The following TENM4 variants were observed in gnomAD, a reference collection of about 807,000 sequenced individuals.
TENM4 encodes the protein teneurin transmembrane protein 4, also known as teneurin-4.
Under a neutral mutation model 243.3 loss-of-function variants are expected in TENM4, and 82 were observed. The observed-to-expected ratio is 0.34, with a 90% confidence interval of 0.28 to 0.40. TENM4 has a LOEUF of 0.40. TENM4 is among the 10% of genes least tolerant of loss of function. TENM4 has a pLI of 1.00. For synonymous variants in TENM4, 1,412 were observed against 1,456.3 expected (o/e 0.97, Z 0.69); for missense variants, 3,138 against 3,673.3 (o/e 0.85, Z 3.77).
At chr11:79,272,936 A>G (rs2135348240) in intron 2 of TENM4, among the ~76,000 whole-genome samples, 1 of 152,258 alleles carries the variant, frequency 6.6e-6, no homozygotes, top group African/African-American at 2.4e-5. Flanking sequence ...AATGTATGCA[A>G]TTTTGCTTGC....
chr11:79,413,458 G>A (rs1858745483), intron 1 of TENM4, among the ~76,000 whole-genome samples: 1 of 152,220 alleles, frequency 6.6e-6, no homozygotes, highest in Non-Finnish European at 1.5e-5. Context: ...GACACAGAGA[G>A]TCCAGCTCCT....
In TENM4 at chr11:78,685,616, C is replaced by A. The variant is rs147436170; in HGVS notation, c.5260+2438G>T. Among the ~76,000 whole-genome samples, 52 of 152,234 alleles carry A rather than the reference C, an allele frequency of 3.4e-4. 1 individual carries two copies. The East Asian group carries it at 0.01, about 29-fold the overall frequency. On this transcript the variant is annotated intron_variant, in intron 29 of 33. Coordinates refer to ENST00000278550, the MANE Select transcript of TENM4 (RefSeq NM_001098816.3). ...TACATTTAAAAACTGAGGAATGTGG[C>A]ACTTTCAAATTTTAAAAAGTTGCCC...
At chr11:78,956,555 T>C (rs951888068) in intron 6 of TENM4, among the ~76,000 whole-genome samples, 2 of 152,234 alleles carry the variant, frequency 1.3e-5, no homozygotes, top group Non-Finnish European at 2.9e-5. Context: ...TGGAGCTTCC[T>C]GGTCAGCAAC....
intron 23 of TENM4, among the ~76,000 whole-genome samples, chr11:78,724,992 C>G (rs2135853040): frequency 6.6e-6 from 1 of 152,288 alleles, no homozygotes; most frequent in South Asian, 2.1e-4. Flanking sequence ...TCCAGACTTG[C>G]AGAGTGAGAA....
intron 6 of TENM4, among the ~76,000 whole-genome samples, chr11:78,965,866 A>T (rs905918704): frequency 6.6e-6 from 1 of 152,246 alleles, no homozygotes; most frequent in Non-Finnish European, 1.5e-5. Context: ...AGTCATTGGC[A>T]ACTTTGAATT....
At chr11:78,925,383 T>C (rs536478043) in intron 6 of TENM4, among the ~76,000 whole-genome samples, 1 of 152,188 alleles carries the variant, frequency 6.6e-6, no homozygotes, top group Non-Finnish European at 1.5e-5. Context: ...AACCTGGACC[T>C]CTTTGAGACT....
chr11:79,348,601 C>T (rs1003108357), intron 1 of TENM4, among the ~76,000 whole-genome samples: 4 of 152,158 alleles, frequency 2.6e-5, no homozygotes, highest in African/African-American at 9.7e-5. Context: ...GAGGGTGAGA[C>T]ACTCATGATG....
At chr11:78,853,488 T>C (rs907583418) in intron 12 of TENM4, among the ~76,000 whole-genome samples, 1 of 152,144 alleles carries the variant, frequency 6.6e-6, no homozygotes, top group African/African-American at 2.4e-5. Flanking sequence ...CCTCTTCCAC[T>C]GCGAGGGAGA....
At chr11:79,427,847 A>G (rs1372170154) in intron 1 of TENM4, among the ~76,000 whole-genome samples, 4 of 152,240 alleles carry the variant, frequency 2.6e-5, no homozygotes, top group Non-Finnish European at 4.4e-5. Context: ...AGAGTATAAC[A>G]TAATACGTGG....
intron 6 of TENM4, among the ~76,000 whole-genome samples, chr11:79,028,953 T>C (rs1182942812): frequency 1.3e-5 from 2 of 152,166 alleles, no homozygotes; most frequent in Middle Eastern, 3.2e-3. Context: ...ACCATTAAGA[T>C]TGAGAACCAG....
chr11:78,728,472 C>G (rs988556403), intron 22 of TENM4, among the ~76,000 whole-genome samples: 1 of 151,926 alleles, frequency 6.6e-6, no homozygotes, highest in East Asian at 1.9e-4. Context: ...TTCTTCCCCC[C>G]TCTTCCTCCC....
At chr11:78,887,090 G>C (rs1161223003) in intron 9 of TENM4, among the ~76,000 whole-genome samples, 1 of 152,116 alleles carries the variant, frequency 6.6e-6, no homozygotes, top group African/African-American at 2.4e-5. Flanking sequence ...TACCCCAGTT[G>C]CCCACCCAAT....
At chr11:79,203,131 A>G (rs561838887) in intron 3 of TENM4, among the ~76,000 whole-genome samples, 1 of 152,334 alleles carries the variant, frequency 6.6e-6, no homozygotes, top group South Asian at 2.1e-4. Flanking sequence ...AATAACAAAT[A>G]TTGATGAAGA....
At chr11:78,886,185 A>T (rs1447899374) in intron 9 of TENM4, among the ~76,000 whole-genome samples, 6 of 152,224 alleles carry the variant, frequency 3.9e-5, no homozygotes, top group African/African-American at 9.7e-5. Context: ...TCATTACAGT[A>T]ATTAATAATT....
chr11:79,431,332 G>A (rs72935098), intron 1 of TENM4, among the ~76,000 whole-genome samples: 11,581 of 152,194 alleles, frequency 0.076, 523 homozygotes, highest in Non-Finnish European at 0.098. Context: ...CCGCTGCTAG[G>A]CTTGGCCACA....
chr11:79,299,484 G>A (rs1031996575), intron 1 of TENM4, among the ~76,000 whole-genome samples: 1 of 152,142 alleles, frequency 6.6e-6, no homozygotes, highest in Non-Finnish European at 1.5e-5. Flanking sequence ...AATCCAGGCA[G>A]GGTCATCCTC....
Position 78,676,196 on chromosome 11 carries a change from C to A in TENM4, c.5452G>T (p.Glu1818Ter). The change falls in exon 30 of 34, where the codon GAG becomes TAG. Residue 1818 changes from glutamate to a stop codon, truncating the protein, a stop_gained. Transcript: ENST00000278550. LOFTEE classifies it high-confidence loss of function. ...ACAGTGACCTGGCCCCGAGCCTGCT[C>A]TTTGCGCTGGCGCCACTCCACCAGG... ...LNLVEWRQRK[E>*]QARGQVTVFG... 6.4e-7 allele frequency: 1 copy of A among 1,567,416 alleles called. No homozygotes were observed. The highest frequency in any genetic ancestry group is 1.2e-5 in the South Asian group (1 of 86,056).
At chr11:78,909,488 C>G (rs1390954254) in intron 6 of TENM4, among the ~76,000 whole-genome samples, 1 of 152,234 alleles carries the variant, frequency 6.6e-6, no homozygotes, top group Non-Finnish European at 1.5e-5. Context: ...TCCATAGACC[C>G]TACTGTTAAA....
intron 2 of TENM4, among the ~76,000 whole-genome samples, chr11:79,239,697 C>T (rs865844113): frequency 9.9e-5 from 15 of 152,178 alleles, no homozygotes; most frequent in African/African-American, 3.6e-4. Flanking sequence ...TAATCATTGA[C>T]ATTCATTCAG....
Sources: allele counts gnomAD v4.1 joint callset (sites outside exome capture counted in the v4.1 genomes callset), GRCh38; gene constraint gnomAD v4.1.1; transcripts MANE v1.5; gene names NCBI Gene and HGNC (gene_info 2026-07-23, HGNC 2026-07-21).